Variants in ZNF563 observed in about 807,000 individuals in gnomAD.
The protein encoded by ZNF563 is zinc finger protein 563.
A neutral mutation model predicts 48.5 loss-of-function variants in ZNF563; 39 were observed. The ratio of observed to expected loss-of-function variants is 0.80; its 90% CI spans 0.62 to 1.05. ZNF563 has a LOEUF of 1.05. ZNF563 is among the 50% of genes least tolerant of loss of function. The probability of loss-of-function intolerance (pLI) is 0.00; values close to 1 mark genes in which losing one functional copy is unlikely to be tolerated. For missense variants in ZNF563, 538 were observed against 597.0 expected (o/e 0.90, Z 1.03); for synonymous variants, 168 against 187.9 (o/e 0.89, Z 0.87).
Position 12,325,248 on chromosome 19 carries a change from A to G in ZNF563, c.4-2537T>C, listed in dbSNP as rs369776584. ...TGTAATCCCAGCACTTTGGGAGGCC[A>G]AGGCGGGCAGATCATGAGGTTAGGA... On this transcript the variant is annotated intron_variant, in intron 1 of 3. Transcript: ENST00000293725. 2.2e-4 allele frequency among the ~76,000 whole-genome samples: 33 copies of G among 152,240 alleles called. No homozygotes were observed. The South Asian group carries it at 6.4e-3, about 30-fold the overall frequency.
chr19:12,321,156 TA>T, intron 3 of ZNF563, 115 bp downstream of exon 3: 1 of 757,846 alleles, frequency 1.3e-6, no homozygotes, highest in Non-Finnish European at 2.0e-6. Context: ...AAAGTTAATT[TA>T]AAAAATTAAA....
intron 1 of ZNF563, among the ~76,000 whole-genome samples, chr19:12,324,713 G>A (rs1361574196): frequency 9.3e-5 from 10 of 107,404 alleles, no homozygotes; most frequent in South Asian, 3.4e-4. Flanking sequence ...GCGAAACTCC[G>A]TCTCAAGAAA....
chr19:12,333,628 G>A lies in ZNF563; in HGVS notation c.-146C>T. The A allele has an allele frequency of 7.9e-7, 1 of 1,259,716 alleles. No homozygotes were observed. Among genetic ancestry groups the A allele is most frequent in the Non-Finnish European group, 1.1e-6 (1 of 915,062 alleles). 78.0% of individuals were successfully genotyped at this position (1,259,716 alleles called of 1,614,324 possible). On this transcript the variant is annotated 5_prime_UTR_variant, in exon 1 of 4. Coordinates refer to ENST00000293725, the MANE Select transcript of ZNF563 (RefSeq NM_145276.3). ...GACGTTCCAGGGCGTCTCTCAGCGAGCGACTGAGTCTAGAGCTGAGCGCAG... is the reference window on the plus strand; with the variant it reads ...GACGTTCCAGGGCGTCTCTCAGCGAACGACTGAGTCTAGAGCTGAGCGCAG...
the ZNF563 span, among the ~76,000 whole-genome samples, chr19:12,339,358 C>T: frequency 5.5e-5 from 8 of 146,460 alleles, no homozygotes; most frequent in African/African-American, 2.0e-4. Context: ...CAGTTCACTG[C>T]AACCTCCGCC....
At chr19:12,341,865 A>G in the ZNF563 span, among the ~76,000 whole-genome samples, 1 of 152,230 alleles carries the variant, frequency 6.6e-6, no homozygotes, top group African/African-American at 2.4e-5. Context: ...ACAGACAGAC[A>G]TAATGACATA....
chr19:12,333,728 G>A (rs1447205523), upstream of ZNF563: 4 of 548,544 alleles, frequency 7.3e-6, no homozygotes, highest in Admixed American at 6.7e-5. Flanking sequence ...CAGTTCTCAC[G>A]ACCCCGCCCC....
chr19:12,318,996 C>T lies in ZNF563; in HGVS notation c.1029G>A (p.Gly343=), dbSNP rs150099157. ...GDRPHKCKIC[G]KGFDRPSLVR... ...CTAAACTGGGACGATCAAAGCCTTT[C>T]CCACATATCTTACATTTATGAGGTC... Residue 343 remains glycine, a synonymous_variant, in exon 4 of 4, where the codon GGG becomes GGA. Coordinates refer to ENST00000293725, the MANE Select transcript of ZNF563 (RefSeq NM_145276.3). 111 of 1,614,108 alleles carry T rather than the reference C, an allele frequency of 6.9e-5. No individual in the cohort carries two copies. In the African/African-American group the frequency reaches 1.4e-3, roughly 21 times the overall value.
the ZNF563 span, among the ~76,000 whole-genome samples, chr19:12,343,830 A>G: frequency 7.0e-6 from 1 of 142,338 alleles, no homozygotes; most frequent in Admixed American, 7.7e-5. Flanking sequence ...TCCCGGGTTC[A>G]CGCCATTCTT....
rs753775288 is a variant in ZNF563 at position 12,318,624 on chromosome 19, A to G, written c.1401T>C (p.His467=). The change falls in exon 4 of 4, where the codon CAT becomes CAC. Residue 467 remains histidine, a synonymous_variant. Coordinates refer to ENST00000293725, the MANE Select transcript of ZNF563 (RefSeq NM_145276.3). ...TTGTTTCTCTCCAGTGAGTCTTTTC[A>G]TGTCTTTGACATACACTGGGATAAA... is the stretch of plus-strand genomic sequence containing the variant. The part of the protein sequence containing the change: ...AFVYPSVCQR[H]EKTHWRETI 1 of 1,613,740 alleles carries G rather than the reference A, an allele frequency of 6.2e-7. No individual in the cohort carries two copies. Among genetic ancestry groups the G allele is most frequent in the South Asian group, 1.1e-5 (1 of 91,022 alleles).
intron 1 of ZNF563, among the ~76,000 whole-genome samples, chr19:12,332,262 A>C (rs1968937395): frequency 6.6e-6 from 1 of 152,140 alleles, no homozygotes; most frequent in African/African-American, 2.4e-5. Flanking sequence ...AAAAGCTATA[A>C]ATCTGCCTAT....
intron 1 of ZNF563, among the ~76,000 whole-genome samples, chr19:12,327,435 G>A (rs1398013313): frequency 2.0e-5 from 3 of 147,744 alleles, no homozygotes; most frequent in African/African-American, 7.5e-5. Flanking sequence ...ATTCCAGCCT[G>A]GGCGACAGAG....
the ZNF563 span, among the ~76,000 whole-genome samples, chr19:12,341,575 A>G: frequency 6.6e-6 from 1 of 152,338 alleles, no homozygotes; most frequent in South Asian, 2.1e-4. Flanking sequence ...CTACATCACT[A>G]TCATACAAAA....
At chr19:12,326,547 GGCAGGAGAATCGCTT>G in intron 1 of ZNF563, among the ~76,000 whole-genome samples, 2 of 152,188 alleles carry the variant, frequency 1.3e-5, no homozygotes, top group Admixed American at 1.3e-4. Context: ...AGGAGGCTGA[GGCAGGAGAATCGCTT>G]GAACCTGGGA....
upstream of ZNF563, among the ~76,000 whole-genome samples, chr19:12,335,850 C>T (rs1017946160): frequency 6.6e-6 from 1 of 152,210 alleles, no homozygotes; most frequent in Non-Finnish European, 1.5e-5. Context: ...TTAAAATGAA[C>T]AATTTCCTTT....
chr19:12,323,845 T>A (rs1968699809), intron 1 of ZNF563, among the ~76,000 whole-genome samples: 1 of 152,180 alleles, frequency 6.6e-6, no homozygotes, highest in Non-Finnish European at 1.5e-5. Flanking sequence ...AGCTGGTAAC[T>A]GGTTTCCTCT....
chr19:12,319,192 T>C lies in ZNF563; in HGVS notation c.833A>G (p.Glu278Gly), dbSNP rs746019445. 1 of 1,614,210 alleles carries C rather than the reference T, an allele frequency of 6.2e-7. No homozygotes were observed. The highest frequency in any genetic ancestry group is 8.5e-7 in the Non-Finnish European group (1 of 1,180,038). ...YIRHERTHTG[E>G]KPYTCKQCGK... ...ACACTGTTTACATGTATATGGTTTCTCTCCAGTGTGAGTTCTTTCATGTCT... is the reference window on the plus strand; with the variant it reads ...ACACTGTTTACATGTATATGGTTTCCCTCCAGTGTGAGTTCTTTCATGTCT... The change falls in exon 4 of 4, where the codon GAG (glutamate) becomes GGG (glycine). Residue 278 changes from glutamate (E) to glycine (G), a missense_variant. By Grantham distance (98) the Glu-to-Gly change is moderately conservative. Transcript: ENST00000293725.
Position 12,319,135 on chromosome 19 carries a change from C to T in ZNF563, c.890G>A (p.Arg297Gln), listed in dbSNP as rs373409197. The T allele has an allele frequency of 6.8e-5, 109 of 1,613,916 alleles. No individual in the cohort carries two copies. Among genetic ancestry groups the T allele is most frequent in the Non-Finnish European group, 8.5e-5 (100 of 1,180,016 alleles). ...TGCACTGTGAGTGGTTTCATGTCTT[C>T]GAAGGGAACTGGAAACACTGAAGGC... ...GKAFSVSSSL[R>Q]RHETTHSAEK... The change falls in exon 4 of 4, where the codon CGA becomes CAA. Residue 297 changes from arginine (R) to glutamine (Q), a missense_variant. Coordinates refer to ENST00000293725, the MANE Select transcript of ZNF563 (RefSeq NM_145276.3).
the ZNF563 span, among the ~76,000 whole-genome samples, chr19:12,340,669 C>T: frequency 0.049 from 7,412 of 152,022 alleles, 600 homozygotes; most frequent in African/African-American, 0.17. Flanking sequence ...CCCAGCTACT[C>T]AGGAGGCTGA....
At chr19:12,333,220 G>T (rs1047545891) in intron 1 of ZNF563, among the ~76,000 whole-genome samples, 1 of 152,176 alleles carries the variant, frequency 6.6e-6, no homozygotes, top group South Asian at 2.1e-4. Context: ...GGGGGGCTGC[G>T]GGCGAGGAGC....
Sources: allele counts gnomAD v4.1 joint callset (sites outside exome capture counted in the v4.1 genomes callset), GRCh38; gene constraint gnomAD v4.1.1; transcripts MANE v1.5; gene names NCBI Gene and HGNC (gene_info 2026-07-23, HGNC 2026-07-21).